Variants in HADHB observed in about 807,000 individuals in gnomAD.
HADHB encodes hydroxyacyl-CoA dehydrogenase trifunctional multienzyme complex subunit beta.
A neutral mutation model predicts 61.9 loss-of-function variants in HADHB; 50 were observed. The observed-to-expected ratio is 0.81, with a 90% confidence interval of 0.64 to 1.02. HADHB has a LOEUF of 1.02. Among genes scored for constraint, HADHB ranks in the 50% least tolerant of loss-of-function variants. The pLI is 0.00. For synonymous variants in HADHB, 191 were observed against 201.6 expected, an observed-to-expected ratio of 0.95 and a Z score of 0.45; for missense variants, 504 against 586.5, an observed-to-expected ratio of 0.86 and a Z score of 1.45.
In HADHB at chr2:26,266,871, C is replaced by CAAAAAAAAAAAAAAAA. The variant is rs56401595; in HGVS notation, c.210-3074_210-3059dup. On this transcript the variant is annotated intron_variant, in intron 4 of 15. Coordinates refer to ENST00000317799, the MANE Select transcript of HADHB (RefSeq NM_000183.3). ...GGTGATGGAGTGAGACACTCTCTCT[C>CAAAAAAAAAAAAAAAA]AAAAAAAAAAAAAAAAAAAAAAAGG... 1.7e-3 allele frequency among the ~76,000 whole-genome samples: 77 copies of CAAAAAAAAAAAAAAAA among 45,412 alleles called. 14 individuals are homozygous for CAAAAAAAAAAAAAAAA. Among genetic ancestry groups the CAAAAAAAAAAAAAAAA allele is most frequent in the African/African-American group, 6.4e-3 (65 of 10,120 alleles). The allele number at this position is 45,412 out of a possible 152,430, so 29.8% of individuals were successfully genotyped here. A position where few individuals can be genotyped will look rare whatever the true frequency, so the allele number is the denominator to read the frequency against.
In HADHB at chr2:26,254,296, A is replaced by G; in HGVS notation, c.42A>G (p.Ala14=). The change falls in exon 2 of 16, where the codon GCA becomes GCG. Residue 14 remains alanine, a synonymous_variant. Coordinates refer to ENST00000317799, the MANE Select transcript of HADHB (RefSeq NM_000183.3). The part of the protein sequence containing the change: ...LTYPFKNLPT[A]SKWALRFSIR... ...ACCCCTTTAAAAATCTTCCCACTGC[A>G]TCAAAATGGGCCCTCAGATTTTGTA... 9 of 1,547,692 alleles carry G rather than the reference A, an allele frequency of 5.8e-6. No individual in the cohort carries two copies. Among genetic ancestry groups the G allele is most frequent in the Non-Finnish European group, 8.0e-6 (9 of 1,119,748 alleles).
chr2:26,270,691 CT>C (rs1672301113), intron 5 of HADHB, among the ~76,000 whole-genome samples: 1 of 152,020 alleles, frequency 6.6e-6, no homozygotes, highest in Non-Finnish European at 1.5e-5. Flanking sequence ...AGAAACCATA[CT>C]TTAGAATCTT....
chr2:26,283,075 G>A, intron 12 of HADHB, 24 bp downstream of exon 12: 1 of 1,487,528 alleles, frequency 6.7e-7, no homozygotes, highest in Non-Finnish European at 9.4e-7. Context: ...TGTATCCTTG[G>A]ACTATAATCA....
chr2:26,286,934 T>C (rs943451031), intron 15 of HADHB, among the ~76,000 whole-genome samples: 1 of 150,998 alleles, frequency 6.6e-6, no homozygotes, highest in South Asian at 2.2e-4. Context: ...CCGGGTGCAG[T>C]GGCTCACGCC....
rs1672856063 is a variant in HADHB, at chr2:26,282,943, C to T, written c.1013+19C>T. On this transcript the variant is annotated intron_variant, in intron 11 of 15. Transcript: ENST00000317799. ...ATTTGAGGTAAAGTAAATGTTCAAA[C>T]AAATCATCTCTGATTTCTTTATTTT... is the stretch of plus-strand genomic sequence containing the variant. The T allele has an allele frequency of 1.9e-6, 3 of 1,598,612 alleles. No homozygotes were observed. The East Asian group carries it at 6.7e-5, about 36-fold the overall frequency.
intron 1 of HADHB, among the ~76,000 whole-genome samples, chr2:26,247,352 C>T (rs1050272695): frequency 6.6e-6 from 1 of 152,128 alleles, no homozygotes; most frequent in African/African-American, 2.4e-5. Context: ...TTTGCTTAGT[C>T]CCTCTTACTT....
chr2:26,281,987 T>C (rs1159208386), intron 10 of HADHB, among the ~76,000 whole-genome samples: 2 of 152,008 alleles, frequency 1.3e-5, no homozygotes, highest in East Asian at 3.9e-4. Flanking sequence ...TCGGTTGTCA[T>C]TTGGGAAGAA....
At chr2:26,274,975 T>C (rs1574659881) in intron 6 of HADHB, among the ~76,000 whole-genome samples, 1 of 152,340 alleles carries the variant, frequency 6.6e-6, no homozygotes, top group East Asian at 1.9e-4. Flanking sequence ...TCTGAAATTT[T>C]TCCTGGAAAT....
At chr2:26,260,971 CT>C in intron 3 of HADHB, 1 of 1,428,114 alleles carries the variant, frequency 7.0e-7, no homozygotes, top group Non-Finnish European at 9.5e-7. Flanking sequence ...TTCCATGCTT[CT>C]TTGCCTAGAG....
intron 15 of HADHB, among the ~76,000 whole-genome samples, chr2:26,287,834 G>A (rs946488324): frequency 2.0e-5 from 3 of 152,096 alleles, no homozygotes; most frequent in South Asian, 2.1e-4. Context: ...TCTACCCATC[G>A]GATAGCAGTA....
intron 1 of HADHB, among the ~76,000 whole-genome samples, chr2:26,251,174 C>A (rs539442394): frequency 6.6e-6 from 1 of 151,428 alleles, no homozygotes; most frequent in African/African-American, 2.4e-5. Flanking sequence ...ATTATTGGTT[C>A]TTTCTAGAAA....
intron 3 of HADHB, among the ~76,000 whole-genome samples, chr2:26,256,327 A>G (rs900526705): frequency 1.3e-5 from 2 of 152,216 alleles, no homozygotes; most frequent in Admixed American, 6.5e-5. Context: ...TGAAGATTGC[A>G]GTAATTTTAT....
At chr2:26,286,252 T>A (rs563456807) in intron 15 of HADHB, among the ~76,000 whole-genome samples, 2 of 152,324 alleles carry the variant, frequency 1.3e-5, no homozygotes, top group East Asian at 3.8e-4. Context: ...AATAATTAAC[T>A]TTTATTTATC....
chr2:26,270,551 CTA>C (rs949988089), intron 5 of HADHB, among the ~76,000 whole-genome samples: 3 of 151,954 alleles, frequency 2.0e-5, no homozygotes, highest in African/African-American at 4.8e-5. Flanking sequence ...CATTCTAACT[CTA>C]TGTTTGTTTT....
At position 26,278,766 on chromosome 2, in the gene HADHB, A is replaced by G. The variant is rs1376118526; in HGVS notation, c.595A>G (p.Ile199Val). Residue 199 changes from isoleucine to valine, a missense_variant, in exon 8 of 16, where the codon ATC becomes GTC. Ile to Val is a conservative substitution (Grantham distance 29). Coordinates refer to ENST00000317799, the MANE Select transcript of HADHB (RefSeq NM_000183.3). The stretch of plus-strand genomic sequence containing the variant: ...ATCTATGGGCCAGCGACTGTCTTTA[A>G]TCTCTAAATTCCGATTTAATTTCCT... The part of the protein sequence containing the change: ...AKSMGQRLSL[I>V]SKFRFNFLAP... The G allele has an allele frequency of 3.7e-6, 6 of 1,614,134 alleles. No individual in the cohort carries two copies. The highest frequency in any genetic ancestry group is 2.2e-5 in the East Asian group (1 of 44,878).
At chr2:26,284,687 G>C (rs1672948740) in intron 13 of HADHB, among the ~76,000 whole-genome samples, 196 bp from the exon 14 acceptor site, 1 of 152,088 alleles carries the variant, frequency 6.6e-6, no homozygotes, top group Middle Eastern at 3.4e-3. Flanking sequence ...GGCTGGTCTT[G>C]AACTCCTGAC....
At chr2:26,288,234 T>C (rs887046979) in intron 15 of HADHB, among the ~76,000 whole-genome samples, 9 of 151,874 alleles carry the variant, frequency 5.9e-5, no homozygotes, top group African/African-American at 2.2e-4. Context: ...CACTGCACTT[T>C]AGCCTAGGTG....
At chr2:26,271,655 G>A (rs1335167289) in intron 5 of HADHB, among the ~76,000 whole-genome samples, 3 of 151,984 alleles carry the variant, frequency 2.0e-5, no homozygotes, top group Non-Finnish European at 2.9e-5. Context: ...TACTAGCTAG[G>A]CATGGTGTCT....
chr2:26,266,456 T>C (rs996351152), intron 4 of HADHB, among the ~76,000 whole-genome samples: 4 of 152,126 alleles, frequency 2.6e-5, no homozygotes, highest in South Asian at 2.1e-4. Context: ...TTGAGTGTTA[T>C]TTGGAAGGCC....
Sources: allele counts gnomAD v4.1 joint callset (sites outside exome capture counted in the v4.1 genomes callset), GRCh38; gene constraint gnomAD v4.1.1; transcripts MANE v1.5; gene names NCBI Gene and HGNC (gene_info 2026-07-23, HGNC 2026-07-21).